Variants in NCOA5 observed in about 807,000 individuals in gnomAD.
The protein encoded by NCOA5 is NCoA-5.
A neutral mutation model predicts 59.0 loss-of-function variants in NCOA5; 12 were observed. That is an observed-to-expected ratio of 0.20 (90% CI 0.13 to 0.33). The LOEUF is 0.33. Ranked by LOEUF, NCOA5 falls within the 10% of genes least tolerant of loss-of-function variation. NCOA5 has a pLI of 1.00. For missense variants in NCOA5, 655 were observed against 766.6 expected, an observed-to-expected ratio of 0.85 and a Z score of 1.72; for synonymous variants, 270 against 275.5, an observed-to-expected ratio of 0.98 and a Z score of 0.20.
At chr20:46,088,321 G>C (rs911302297) in intron 1 of NCOA5, among the ~76,000 whole-genome samples, 1 of 152,164 alleles carries the variant, frequency 6.6e-6, no homozygotes, top group African/African-American at 2.4e-5. Flanking sequence ...AGTGTCAGAG[G>C]TTTCAAAGGC....
rs1227692352 is a variant in NCOA5, at chr20:46,070,529, A to G, written c.46T>C (p.Tyr16His). ...GAATCTCGACTGTCTCCAAAGCCAT[A>G]TGGATCCCTGTGGGAGGTAGCAAGA... The part of the protein sequence containing the change: ...SRPSPTRRDP[Y>H]GFGDSRDSRR... The change falls in exon 3 of 8, where the codon TAT becomes CAT. Residue 16 changes from tyrosine to histidine, a missense_variant. Coordinates refer to ENST00000290231, the MANE Select transcript of NCOA5 (RefSeq NM_020967.3). The G allele has an allele frequency of 6.2e-7, 1 of 1,613,382 alleles. No homozygotes were observed. Among genetic ancestry groups the G allele is most frequent in the South Asian group, 1.1e-5 (1 of 91,060 alleles).
intron 1 of NCOA5, among the ~76,000 whole-genome samples, chr20:46,080,688 G>C (rs1431279032): frequency 6.6e-6 from 1 of 151,950 alleles, no homozygotes; most frequent in Non-Finnish European, 1.5e-5. Context: ...TCTCTAATTT[G>C]TCTAGAAAAA....
At chr20:46,084,176 G>A (rs6017733) in intron 1 of NCOA5, among the ~76,000 whole-genome samples, 98,244 of 152,100 alleles carry the variant, frequency 0.65, 33,515 homozygotes, top group African/African-American at 0.88. Flanking sequence ...ATTAAATACT[G>A]CTATAATTTC....
rs928482902 is a variant in NCOA5 at position 46,079,560 on chromosome 20, A to G, written c.-29-107T>C. ...CAACAAAAACTACAATGACAACCAGATGGTGTAAGAAAAGCCATTCAGCAG... is the reference window on the plus strand; with the variant it reads ...CAACAAAAACTACAATGACAACCAGGTGGTGTAAGAAAAGCCATTCAGCAG... On this transcript the variant is annotated intron_variant, in intron 1 of 7. Transcript: ENST00000290231. 4.3e-6 allele frequency: 4 copies of G among 923,702 alleles called. No individual in the cohort carries two copies. In the African/African-American group the frequency reaches 4.9e-5, roughly 11 times the overall value. The allele number at this position is 923,702 out of a possible 1,614,324, so 57.2% of individuals were successfully genotyped here.
At chr20:46,074,352 G>A (rs767624967) in intron 2 of NCOA5, among the ~76,000 whole-genome samples, 4 of 152,138 alleles carry the variant, frequency 2.6e-5, no homozygotes, top group Non-Finnish European at 4.4e-5. Flanking sequence ...TCAGGTTTCT[G>A]GAGCATAATA....
At chr20:46,077,901 T>C (rs937726610) in intron 2 of NCOA5, among the ~76,000 whole-genome samples, 1 of 152,226 alleles carries the variant, frequency 6.6e-6, no homozygotes, top group Non-Finnish European at 1.5e-5. Flanking sequence ...GCAGACATTA[T>C]ACGGAACTGC....
chr20:46,074,734 G>GC (rs1478826601), intron 2 of NCOA5, among the ~76,000 whole-genome samples: 5 of 152,332 alleles, frequency 3.3e-5, no homozygotes, highest in African/African-American at 1.2e-4. Context: ...AGAGCACCAG[G>GC]CATGTGACAG....
At chr20:46,080,397 A>G (rs2084979533) in intron 1 of NCOA5, among the ~76,000 whole-genome samples, 1 of 152,222 alleles carries the variant, frequency 6.6e-6, no homozygotes, top group Admixed American at 6.5e-5. Context: ...TGAAGAAATA[A>G]AAGTGCTTTC....
Position 46,062,730 on chromosome 20 carries a change from C to A in NCOA5, c.1310G>T (p.Ser437Ile). Residue 437 changes from serine (S) to isoleucine (I), a missense_variant, in exon 8 of 8, where the codon AGC (serine) becomes ATC (isoleucine). Around this residue, in one of 3 missense-constraint regions of NCOA5, gnomAD observed 325 missense variants for 353.2 expected, o/e 0.92. Transcript: ENST00000290231. Reference protein sequence around the residue: ...SQQELQAKILSLFNSGTVTAN... With the variant: ...SQQELQAKILILFNSGTVTAN... Reference sequence around the variant, plus strand: ...CGTCACTGTGCCACTATTGAAGAGGCTGAGGATTTTGGCCTGAAGCTCTTG... The same window carrying A: ...CGTCACTGTGCCACTATTGAAGAGGATGAGGATTTTGGCCTGAAGCTCTTG... The A allele has an allele frequency of 6.2e-7, 1 of 1,613,394 alleles. No homozygotes were observed.
intron 1 of NCOA5, among the ~76,000 whole-genome samples, chr20:46,084,394 C>T (rs142228708): frequency 6.6e-6 from 1 of 152,248 alleles, no homozygotes; most frequent in Non-Finnish European, 1.5e-5. Context: ...CTGATGGAAC[C>T]TGGAAAAGGT....
intron 1 of NCOA5, 47 bp from the exon 2 acceptor site, chr20:46,079,500 C>A: frequency 7.0e-7 from 1 of 1,418,810 alleles, no homozygotes; most frequent in Non-Finnish European, 9.9e-7. Context: ...GGAATAAAAA[C>A]AAGATCATCA....
At chr20:46,067,424 A>G (rs184816556) in intron 4 of NCOA5, among the ~76,000 whole-genome samples, 60 of 152,330 alleles carry the variant, frequency 3.9e-4, no homozygotes, top group Non-Finnish European at 1.5e-5. Context: ...GAAGGCTGAT[A>G]CTAATTTATA....
chr20:46,067,221 A>G (rs748971507), intron 4 of NCOA5, 40 bp from the exon 5 acceptor site: 11 of 1,590,432 alleles, frequency 6.9e-6, no homozygotes, highest in Non-Finnish European at 9.4e-6. Flanking sequence ...TAAGGACTGG[A>G]CCCTCATTTT....
Position 46,068,572 on chromosome 20 carries a change from A to G in NCOA5, c.432T>C (p.Tyr144=), listed in dbSNP as rs755539631. ...CAAAGCTATCTCTGTAACGGTCAAA[A>G]TAAGAGTCATCCTTTCTCCTGCAAT... ...DDYCRRKDDS[Y]FDRYRDSFDG... Residue 144 remains tyrosine (Y), a synonymous_variant, in exon 4 of 8, where the codon TAT becomes TAC. Transcript: ENST00000290231. 9 of 1,613,766 alleles carry G rather than the reference A, an allele frequency of 5.6e-6. No homozygotes were observed. The highest frequency in any genetic ancestry group is 2.7e-5 in the African/African-American group (2 of 74,932).
rs1348310086 is a variant in NCOA5 at position 46,062,742 on chromosome 20, G to T, written c.1298C>A (p.Ala433Asp). ...APPTSQQELQ[A>D]KILSLFNSGT... ...ACTATTGAAGAGGCTGAGGATTTTG[G>T]CCTGAAGCTCTTGCTGGGAGGTGGG... The change falls in exon 8 of 8, where the codon GCC becomes GAC. Residue 433 changes from alanine (A) to aspartate (D), a missense_variant. By Grantham distance (126) the Ala-to-Asp change is moderately radical. Coordinates refer to ENST00000290231, the MANE Select transcript of NCOA5 (RefSeq NM_020967.3). 1 of 1,612,474 alleles carries T rather than the reference G, an allele frequency of 6.2e-7. No homozygotes were observed. Among genetic ancestry groups the T allele is most frequent in the Non-Finnish European group, 8.5e-7 (1 of 1,178,748 alleles).
rs140871719 is a variant in NCOA5, at chr20:46,071,241, C to T, written c.39-705G>A. ...CTCTGACTCAATGTTCTTCATGAGA[C>T]GTTTCAACCCACTGGAAACTCCTCT... On this transcript the variant is annotated intron_variant, in intron 2 of 7. Coordinates refer to ENST00000290231, the MANE Select transcript of NCOA5 (RefSeq NM_020967.3). Among the ~76,000 whole-genome samples the T allele has an allele frequency of 3.6e-3, 541 of 152,174 alleles. 4 individuals are homozygous for T. Among genetic ancestry groups the T allele is most frequent in the African/African-American group, 0.012 (501 of 41,522 alleles).
intron 1 of NCOA5, among the ~76,000 whole-genome samples, chr20:46,086,755 G>A (rs1450314534): frequency 1.3e-5 from 2 of 152,104 alleles, no homozygotes; most frequent in Non-Finnish European, 2.9e-5. Context: ...TAAACCACAA[G>A]GTACAGAGAG....
chr20:46,073,609 A>G (rs570385502), intron 2 of NCOA5, among the ~76,000 whole-genome samples: 1 of 152,358 alleles, frequency 6.6e-6, no homozygotes, highest in African/African-American at 2.4e-5. Flanking sequence ...AGTAGTCATT[A>G]GAGGTGGAAT....
At chr20:46,077,821 G>T (rs934674504) in intron 2 of NCOA5, among the ~76,000 whole-genome samples, 3 of 152,204 alleles carry the variant, frequency 2.0e-5, no homozygotes, top group Non-Finnish European at 2.9e-5. Flanking sequence ...ATTCTGTGCT[G>T]GGACAATAAG....
Sources: allele counts gnomAD v4.1 joint callset (sites outside exome capture counted in the v4.1 genomes callset), GRCh38; gene constraint gnomAD v4.1.1; regional missense constraint gnomAD v4.1.1; transcripts MANE v1.5; gene names NCBI Gene and HGNC (gene_info 2026-07-23, HGNC 2026-07-21).